Variants in EXD3 observed in about 807,000 individuals in gnomAD.
EXD3 encodes the protein exonuclease 3'-5' domain containing 3.
In EXD3, 92 loss-of-function variants were observed where a neutral mutation model predicts 98.0. The ratio of observed to expected loss-of-function variants is 0.94; its 90% CI spans 0.79 to 1.12. The LOEUF (loss-of-function observed/expected upper bound fraction) is 1.12. Among genes scored for constraint, EXD3 ranks in the 50% most tolerant of loss-of-function variants. The pLI, the probability that EXD3 is intolerant of heterozygous loss-of-function variation, is 0.00. For synonymous variants in EXD3, 569 were observed against 526.0 expected, an observed-to-expected ratio of 1.08 and a Z score of -1.12; for missense variants, 1,222 against 1,191.6, an observed-to-expected ratio of 1.03 and a Z score of -0.38.
chr9:137,309,776 C>G, intron 19 of EXD3, 76 bp from the exon 20 acceptor site: 1 of 1,123,038 alleles, frequency 8.9e-7, no homozygotes, highest in Non-Finnish European at 1.3e-6. Context: ...CTGCTCGCTC[C>G]TCGAAGCTCT....
intron 20 of EXD3, among the ~76,000 whole-genome samples, chr9:137,308,915 G>A (rs1831210083): frequency 6.6e-6 from 1 of 152,140 alleles, no homozygotes; most frequent in Admixed American, 6.5e-5. Context: ...AAAGTGCTGG[G>A]ATTACAGGCG....
rs80130185 is a variant in EXD3, at chr9:137,388,857, C to T, written c.56-5480G>A. Among the ~76,000 whole-genome samples, 1,402 of 152,312 alleles carry T rather than the reference C, an allele frequency of 9.2e-3. 24 individuals are homozygous for T. The highest frequency in any genetic ancestry group is 0.031 in the African/African-American group (1,275 of 41,558). On this transcript the variant is annotated intron_variant, in intron 2 of 21. Transcript: ENST00000340951. ...GCCCGGCCGCCCAGACCAGACCCCA[C>T]GCGCTGTGGTGACCTGCATGTCCAC...
intron 17 of EXD3, among the ~76,000 whole-genome samples, chr9:137,335,248 T>C (rs1272714268): frequency 6.6e-6 from 1 of 152,036 alleles, no homozygotes; most frequent in East Asian, 1.9e-4. Flanking sequence ...AAATGACACA[T>C]GCATAGACAT....
chr9:137,365,586 TACACACGCACACACATGCAC>T lies in EXD3; in HGVS notation c.656+887_656+906del, dbSNP rs1293297012. The stretch of plus-strand genomic sequence containing the variant: ...AACATGAACACAGTGCACACACAGG[TACACACGCACACACATGCAC>T]ACACACGCACACCTGCAGGCACACA... On this transcript the variant is annotated intron_variant, in intron 7 of 21. Coordinates refer to ENST00000340951, the MANE Select transcript of EXD3 (RefSeq NM_017820.5). The T allele has an allele frequency of 3.4e-5, 5 of 146,316 alleles. 1 individual carries two copies. The South Asian group carries it at 5.4e-4, about 16-fold the overall frequency. The allele number at this position is 146,316 out of a possible 1,614,324, so 9.1% of individuals were successfully genotyped here.
Position 137,395,872 on chromosome 9 carries a change from C to T in EXD3, c.-47-468G>A, listed in dbSNP as rs112749871. On this transcript the variant is annotated intron_variant, in intron 1 of 21. Transcript: ENST00000340951. The surrounding 1 kb of genome is among the most constrained non-coding windows in gnomAD (Gnocchi z 6.5). The stretch of plus-strand genomic sequence containing the variant: ...TGACGCCCTCACGGCTGACCCAGTA[C>T]GCAGCTCCGTAAGACTCCAGGCGGC... 3.9e-5 allele frequency among the ~76,000 whole-genome samples: 6 copies of T among 152,252 alleles called. No individual in the cohort carries two copies. The highest frequency in any genetic ancestry group is 2.0e-4 in the Admixed American group (3 of 15,300).
intron 3 of EXD3, among the ~76,000 whole-genome samples, chr9:137,382,162 G>A (rs75265476): frequency 7.7e-5 from 2 of 26,008 alleles, no homozygotes; most frequent in African/African-American, 3.7e-4. Flanking sequence ...GGAGGAGGTG[G>A]GAGCATGCGG....
chr9:137,315,784 G>A (rs1831616641), intron 19 of EXD3, among the ~76,000 whole-genome samples: 1 of 151,958 alleles, frequency 6.6e-6, no homozygotes, highest in Non-Finnish European at 1.5e-5. Context: ...TAAAAACAGG[G>A]TCAGGAGCCC....
At chr9:137,358,671 T>C (rs1327828144) in intron 7 of EXD3, among the ~76,000 whole-genome samples, 1 of 152,184 alleles carries the variant, frequency 6.6e-6, no homozygotes, top group African/African-American at 2.4e-5. Flanking sequence ...CTGTAACTCC[T>C]ACTTAAAACT....
chr9:137,394,129 CAGCCTCCCAGCCTCCATTTCCCTAACCCT>C (rs1368803084), intron 2 of EXD3, among the ~76,000 whole-genome samples: 28 of 151,376 alleles, frequency 1.8e-4, no homozygotes, highest in Non-Finnish European at 2.7e-4. Context: ...TCCCTAACCC[CAGCCTCCCAGCCTCCATTTCCCTAACCCT>C]GGCCTCCCAG....
At chr9:137,316,159 C>T (rs1407605984) in intron 19 of EXD3, among the ~76,000 whole-genome samples, 2 of 151,632 alleles carry the variant, frequency 1.3e-5, no homozygotes, top group African/African-American at 2.4e-5. Context: ...CCGTGAGAAC[C>T]CGCCGGGCCG....
intron 8 of EXD3, among the ~76,000 whole-genome samples, chr9:137,354,974 G>A (rs28428543): frequency 0.089 from 13,500 of 152,222 alleles, 745 homozygotes; most frequent in African/African-American, 0.16. Flanking sequence ...CGCCGGCCCC[G>A]GGGTCTCCCT....
chr9:137,313,316 C>T (rs546093888), intron 19 of EXD3, among the ~76,000 whole-genome samples: 2 of 152,236 alleles, frequency 1.3e-5, no homozygotes, highest in East Asian at 3.9e-4. Context: ...TGGGCCTGGG[C>T]AGAGGTGACC....
At chr9:137,417,474 C>A (rs1291726911) in intron 1 of EXD3, among the ~76,000 whole-genome samples, 1 of 152,146 alleles carries the variant, frequency 6.6e-6, no homozygotes, top group Non-Finnish European at 1.5e-5. Flanking sequence ...GGGCGGGAGG[C>A]GGCGTGGCCA....
chr9:137,331,910 C>T lies in EXD3; in HGVS notation c.1999-7767G>A, dbSNP rs368006573. On this transcript the variant is annotated intron_variant, in intron 17 of 21. Transcript: ENST00000340951. ...CCGCCTGGGCAACAGGGTGAGACTC[C>T]GTCTCAAAAAATAAAAATAAATAAA... 1.3e-4 allele frequency among the ~76,000 whole-genome samples: 20 copies of T among 151,764 alleles called. No individual in the cohort carries two copies. In the South Asian group the frequency reaches 1.9e-3, roughly 14 times the overall value.
chr9:137,327,295 C>G (rs766241348), intron 17 of EXD3, among the ~76,000 whole-genome samples: 3 of 152,008 alleles, frequency 2.0e-5, no homozygotes, highest in Admixed American at 2.0e-4. Context: ...CACCACGGCC[C>G]GCTGATATTT....
chr9:137,355,762 A>G (rs914597490), intron 8 of EXD3, among the ~76,000 whole-genome samples: 6 of 149,340 alleles, frequency 4.0e-5, no homozygotes, highest in Non-Finnish European at 8.9e-5. Flanking sequence ...ATCCAGATAA[A>G]ATTCAAACTT....
rs77162911 is a variant in EXD3, at chr9:137,341,540, G to A, written c.1998+6531C>T. On this transcript the variant is annotated intron_variant, in intron 17 of 21. Transcript: ENST00000340951. ...CCGTCTCCCAGGAGTCAGAGGAAACGGGGCTCAGGCACCAGGAGCCATCTC... is the reference window on the plus strand; with the variant it reads ...CCGTCTCCCAGGAGTCAGAGGAAACAGGGCTCAGGCACCAGGAGCCATCTC... Among the ~76,000 whole-genome samples, 832 of 129,574 alleles carry A rather than the reference G, an allele frequency of 6.4e-3. 1 individual carries two copies. Among genetic ancestry groups the A allele is most frequent in the Non-Finnish European group, 9.2e-3 (551 of 59,634 alleles). The allele number at this position is 129,574 out of a possible 152,430, so 85.0% of individuals were successfully genotyped here. A position where few individuals can be genotyped will look rare whatever the true frequency, so the allele number is the denominator to read the frequency against.
chr9:137,386,234 C>T (rs1836584556), intron 2 of EXD3, among the ~76,000 whole-genome samples: 2 of 152,040 alleles, frequency 1.3e-5, no homozygotes. Context: ...GTTGAGGCTG[C>T]AGTGAGCCCT....
intron 1 of EXD3, among the ~76,000 whole-genome samples, chr9:137,396,263 T>A (rs1323819236): frequency 6.6e-6 from 1 of 152,208 alleles, no homozygotes; most frequent in Non-Finnish European, 1.5e-5. Flanking sequence ...CCACCGCGCC[T>A]GGCCCCTGGG....
Sources: gnomAD v4.1 joint callset for allele counts (sites outside exome capture counted in the v4.1 genomes callset) on GRCh38, gnomAD v4.1.1 for gene constraint, Gnocchi (gnomAD v3.1) non-coding constraint, MANE v1.5 for transcripts, NCBI Gene and HGNC (gene_info 2026-07-23, HGNC 2026-07-21) for gene names.